LRP1B: variants seen among roughly 807,000 people sequenced by gnomAD.
LRP1B encodes LDL receptor related protein 1B.
A neutral mutation model predicts 556.6 loss-of-function variants in LRP1B; 217 were observed. That is an observed-to-expected ratio of 0.39 (90% CI 0.35 to 0.44). The LOEUF is 0.44. LRP1B is among the 20% of genes least tolerant of loss of function. The pLI, the probability that LRP1B is intolerant of heterozygous loss-of-function variation, is 1.00. For synonymous variants in LRP1B, 2,047 were observed against 1,865.8 expected, an observed-to-expected ratio of 1.10 and a Z score of -2.50; for missense variants, 5,053 against 5,620.8, an observed-to-expected ratio of 0.90 and a Z score of 3.23.
chr2:141,559,209 A>G (rs113576378), intron 2 of LRP1B, among the ~76,000 whole-genome samples: 4,265 of 151,638 alleles, frequency 0.028, 218 homozygotes, highest in African/African-American at 0.095. Context: ...AAAATTTTTT[A>G]CTTGTTTTAG....
intron 1 of LRP1B, among the ~76,000 whole-genome samples, chr2:141,851,624 G>T: frequency 6.6e-6 from 1 of 151,676 alleles, no homozygotes; most frequent in East Asian, 1.9e-4. Flanking sequence ...AACATCAGAT[G>T]GGCATTGAGT....
chr2:141,603,683 G>A lies in LRP1B; in HGVS notation c.206-123150C>T, dbSNP rs372396845. On this transcript the variant is annotated intron_variant, in intron 2 of 90. Transcript: ENST00000389484. ...TTGAGGCTTTTAAGTAAAATACTGT[G>A]AATCAACACCTTACCATATTATTTC... 3.3e-5 allele frequency among the ~76,000 whole-genome samples: 5 copies of A among 152,172 alleles called. No individual in the cohort carries two copies. In the East Asian group the frequency reaches 5.8e-4, roughly 18 times the overall value.
chr2:141,931,587 A>AT (rs1260935816), intron 1 of LRP1B, among the ~76,000 whole-genome samples: 1 of 152,004 alleles, frequency 6.6e-6, no homozygotes, highest in East Asian at 1.9e-4. Context: ...ATTACTTTAA[A>AT]TTTTCTATGG....
intron 18 of LRP1B, among the ~76,000 whole-genome samples, chr2:140,979,924 A>G (rs1484263229): frequency 6.6e-6 from 1 of 152,102 alleles, no homozygotes; most frequent in Non-Finnish European, 1.5e-5. Flanking sequence ...AAAAAAATTT[A>G]ATAGAAAGAT....
intron 66 of LRP1B, among the ~76,000 whole-genome samples, chr2:140,436,028 T>A (rs1402147965): frequency 6.6e-6 from 1 of 151,594 alleles, no homozygotes; most frequent in East Asian, 1.9e-4. Context: ...CATAAATACA[T>A]TCACACATAC....
At chr2:141,738,473 T>C (rs978967739) in intron 2 of LRP1B, among the ~76,000 whole-genome samples, 12 of 152,094 alleles carry the variant, frequency 7.9e-5, no homozygotes, top group Non-Finnish European at 1.6e-4. Flanking sequence ...GAAAATGGTA[T>C]CGCTTTCTGT....
intron 7 of LRP1B, among the ~76,000 whole-genome samples, chr2:141,148,852 G>A (rs2105076714): frequency 6.6e-6 from 1 of 152,276 alleles, no homozygotes; most frequent in South Asian, 2.1e-4. Context: ...GGGAGGCCGA[G>A]GCAGGCGGAT....
intron 3 of LRP1B, among the ~76,000 whole-genome samples, chr2:141,411,664 G>T (rs1254294621): frequency 1.3e-5 from 2 of 152,020 alleles, no homozygotes; most frequent in Non-Finnish European, 2.9e-5. Context: ...ATTCTGTCCT[G>T]CTAATGCAGT....
At chr2:140,360,375 T>A (rs986777776) in intron 72 of LRP1B, among the ~76,000 whole-genome samples, 1 of 151,566 alleles carries the variant, frequency 6.6e-6, no homozygotes, top group Non-Finnish European at 1.5e-5. Flanking sequence ...CTTTTAGGAA[T>A]GTCTCTTAAT....
At chr2:140,442,352 C>T (rs1472670652) in intron 66 of LRP1B, 152 bp downstream of exon 66, 5 of 962,292 alleles carry the variant, frequency 5.2e-6, no homozygotes, top group East Asian at 5.7e-5. Flanking sequence ...AGTAGCTAAC[C>T]TAAGTTTTTA....
chr2:141,629,838 C>CT (rs1444183093), intron 2 of LRP1B, among the ~76,000 whole-genome samples: 3 of 152,070 alleles, frequency 2.0e-5, no homozygotes, highest in African/African-American at 7.2e-5. Flanking sequence ...CCATATTCTT[C>CT]TTATGACCCT....
intron 2 of LRP1B, among the ~76,000 whole-genome samples, chr2:141,690,382 G>T (rs1173622591): frequency 1.5e-5 from 1 of 68,242 alleles, no homozygotes; most frequent in Non-Finnish European, 2.9e-5. Flanking sequence ...TCCAGAAAAG[G>T]GATTACATCT....
At chr2:140,738,393 A>C (rs1288313205) in intron 35 of LRP1B, among the ~76,000 whole-genome samples, 1 of 152,094 alleles carries the variant, frequency 6.6e-6, no homozygotes, top group Non-Finnish European at 1.5e-5. Flanking sequence ...CTGTGCAGAG[A>C]CAGATCTGTG....
At chr2:141,567,686 T>C (rs920636150) in intron 2 of LRP1B, among the ~76,000 whole-genome samples, 9 of 151,786 alleles carry the variant, frequency 5.9e-5, no homozygotes, top group East Asian at 2.0e-4. Flanking sequence ...TGAAATTACA[T>C]TAGGTATGTG....
In LRP1B at chr2:140,442,550, A is replaced by G. The variant is rs1232048057; in HGVS notation, c.10368T>C (p.Cys3456=). The change falls in exon 66 of 91, where the codon TGT becomes TGC. Residue 3456 remains cysteine, a synonymous_variant. Transcript: ENST00000389484. ...TKHCISKLWV[C]DEDPDCADAS... ...CATCTGCACAGTCTGGATCCTCGTC[A>G]CAAACCCACAGCTTGGAAATGCAAT... 4 of 1,614,052 alleles carry G rather than the reference A, an allele frequency of 2.5e-6. No individual in the cohort carries two copies. The South Asian group carries it at 4.4e-5, about 18-fold the overall frequency.
chr2:140,488,245 C>G (rs1688555464), intron 57 of LRP1B, among the ~76,000 whole-genome samples: 1 of 109,108 alleles, frequency 9.2e-6, no homozygotes, highest in South Asian at 3.2e-4. Context: ...GCTCTTGTCC[C>G]AACAACAATA....
At chr2:140,981,045 A>G (rs188625666) in intron 18 of LRP1B, among the ~76,000 whole-genome samples, 1 of 132,724 alleles carries the variant, frequency 7.5e-6, no homozygotes, top group Non-Finnish European at 1.6e-5. Context: ...TTAACCTATG[A>G]GGACGCAAAT....
intron 7 of LRP1B, among the ~76,000 whole-genome samples, chr2:141,174,397 C>A (rs1680644718): frequency 6.6e-6 from 1 of 152,054 alleles, no homozygotes; most frequent in African/African-American, 2.4e-5. Flanking sequence ...GAATTGCAAT[C>A]CCTACATGTC....
chr2:140,804,185 C>T (rs184917361), intron 32 of LRP1B, among the ~76,000 whole-genome samples: 8 of 152,068 alleles, frequency 5.3e-5, no homozygotes, highest in Non-Finnish European at 8.8e-5. Context: ...TATCAGACTC[C>T]CCACCTTGTT....
Sources: gnomAD v4.1 joint callset for allele counts (sites outside exome capture counted in the v4.1 genomes callset) on GRCh38, gnomAD v4.1.1 for gene constraint, MANE v1.5 for transcripts, NCBI Gene and HGNC (gene_info 2026-07-23, HGNC 2026-07-21) for gene names.